CFAP299: variants seen among roughly 807,000 people sequenced by gnomAD.
The protein encoded by CFAP299 is cilia- and flagella-associated protein 299.
CFAP299 carries 21 observed loss-of-function variants against 27.0 expected under a neutral mutation model. The ratio of observed to expected loss-of-function variants is 0.78; its 90% confidence interval spans 0.55 to 1.12. The LOEUF (loss-of-function observed/expected upper bound fraction) is 1.12. Among genes scored for constraint, CFAP299 ranks in the 50% most tolerant of loss-of-function variants. The pLI, the probability that CFAP299 is intolerant of heterozygous loss-of-function variation, is 0.00. For missense variants in CFAP299, 310 were observed against 276.6 expected (o/e 1.12, Z -0.86); for synonymous variants, 104 against 98.1 (o/e 1.06, Z -0.36).
chr4:80,883,432 C>A (rs1733814758), intron 4 of CFAP299, among the ~76,000 whole-genome samples: 1 of 151,124 alleles, frequency 6.6e-6, no homozygotes, highest in Admixed American at 6.6e-5. Flanking sequence ...TAAAAGTCCT[C>A]CCTATCAATA....
chr4:80,730,897 C>A (rs552126991), intron 3 of CFAP299, among the ~76,000 whole-genome samples: 1 of 152,288 alleles, frequency 6.6e-6, no homozygotes, highest in Non-Finnish European at 1.5e-5. Context: ...ACCGTTATTT[C>A]ATTTTATCCT....
At chr4:80,883,035 T>C (rs1375027124) in intron 4 of CFAP299, among the ~76,000 whole-genome samples, 1 of 151,926 alleles carries the variant, frequency 6.6e-6, no homozygotes, top group Non-Finnish European at 1.5e-5. Context: ...GATGCATAAA[T>C]CATGTTCAAT....
chr4:80,646,202 A>G (rs766277054), intron 3 of CFAP299, among the ~76,000 whole-genome samples: 1 of 152,130 alleles, frequency 6.6e-6, no homozygotes, highest in Non-Finnish European at 1.5e-5. Flanking sequence ...TGTGTTCTAC[A>G]TCTGTATTAG....
intron 3 of CFAP299, among the ~76,000 whole-genome samples, chr4:80,695,051 T>A (rs542083849): frequency 3.6e-4 from 55 of 152,302 alleles, no homozygotes; most frequent in Non-Finnish European, 7.1e-4. Context: ...TGCCTCATAG[T>A]AGCATCATTT....
intron 2 of CFAP299, among the ~76,000 whole-genome samples, chr4:80,509,846 T>C (rs1732208757): frequency 6.6e-6 from 1 of 150,904 alleles, no homozygotes; most frequent in African/African-American, 2.4e-5. Flanking sequence ...GGCCATCTTC[T>C]GCACTGCTGC....
rs1371964208 is a variant in CFAP299, at chr4:80,870,036, T to C, written c.377T>C (p.Ile126Thr). Residue 126 changes from isoleucine (I) to threonine (T), a missense_variant, in exon 4 of 6, where the codon ATA becomes ACA. Physicochemically the swap from Ile to Thr is moderately conservative, Grantham distance 89 (BLOSUM62 -1). Transcript: ENST00000358105. ...GACAGAAATTCTCATGGGCAAGAGA[T>C]ATCAGGATACATCGACTATGCCCAC... ...IRDRNSHGQE[I>T]SGYIDYAHRL... 3 of 1,613,712 alleles carry C rather than the reference T, an allele frequency of 1.9e-6. No homozygotes were observed. The highest frequency in any genetic ancestry group is 1.1e-5 in the South Asian group (1 of 91,040).
intron 4 of CFAP299, among the ~76,000 whole-genome samples, chr4:80,894,205 G>T (rs1734495960): frequency 6.6e-6 from 1 of 151,618 alleles, no homozygotes; most frequent in South Asian, 2.1e-4. Flanking sequence ...TTATTAAAAA[G>T]ACAAAAGATT....
Position 80,549,623 on chromosome 4 carries a change from T to A in CFAP299, c.243-33470T>A, listed in dbSNP as rs185811500. ...TTGTGGATTTTCAACAGGGTAACTGTGGACACGTTTTTGATGAAGTTCTTG... is the reference window on the plus strand; with the variant it reads ...TTGTGGATTTTCAACAGGGTAACTGAGGACACGTTTTTGATGAAGTTCTTG... On this transcript the variant is annotated intron_variant, in intron 2 of 5. Coordinates refer to ENST00000358105, the MANE Select transcript of CFAP299 (RefSeq NM_152770.3). Among the ~76,000 whole-genome samples, 101 of 152,286 alleles carry A rather than the reference T, an allele frequency of 6.6e-4. 2 individuals are homozygous for A. The highest frequency in any genetic ancestry group is 6.8e-3 in the Middle Eastern group (2 of 294).
At chr4:80,403,952 T>C (rs945174374) in intron 2 of CFAP299, among the ~76,000 whole-genome samples, 8 of 152,180 alleles carry the variant, frequency 5.3e-5, no homozygotes, top group Non-Finnish European at 1.5e-5. Flanking sequence ...AGATTATTTG[T>C]CATTCATTTT....
At chr4:80,366,327 G>A (rs1025119665) in intron 2 of CFAP299, among the ~76,000 whole-genome samples, 4 of 152,152 alleles carry the variant, frequency 2.6e-5, no homozygotes, top group African/African-American at 7.2e-5. Flanking sequence ...CACCTATTTC[G>A]AGAAGTGCTG....
At chr4:80,590,836 G>C (rs1044582353) in intron 3 of CFAP299, among the ~76,000 whole-genome samples, 1 of 152,088 alleles carries the variant, frequency 6.6e-6, no homozygotes, top group Non-Finnish European at 1.5e-5. Flanking sequence ...TGCTAGGTAG[G>C]AGGAGGTTGG....
At chr4:80,485,799 C>T (rs950279248) in intron 2 of CFAP299, among the ~76,000 whole-genome samples, 7 of 152,104 alleles carry the variant, frequency 4.6e-5, no homozygotes, top group Admixed American at 2.6e-4. Context: ...TATGCATTTT[C>T]ACATACGTAG....
At chr4:80,342,106 G>T (rs915989763) in intron 1 of CFAP299, among the ~76,000 whole-genome samples, 3 of 152,232 alleles carry the variant, frequency 2.0e-5, no homozygotes, top group South Asian at 4.2e-4. Flanking sequence ...AGACAGGCAG[G>T]CAAGAACAGA....
chr4:80,853,329 C>A (rs1256702976), intron 3 of CFAP299, among the ~76,000 whole-genome samples: 1 of 152,180 alleles, frequency 6.6e-6, no homozygotes, highest in South Asian at 2.1e-4. Flanking sequence ...CCATGCCCAG[C>A]CAAAAGGCAA....
At chr4:80,361,885 TTC>T (rs1246358467) in intron 1 of CFAP299, among the ~76,000 whole-genome samples, 3 of 152,206 alleles carry the variant, frequency 2.0e-5, no homozygotes, top group South Asian at 2.1e-4. Flanking sequence ...ATAAAATAGA[TTC>T]TGTTTTCACT....
chr4:80,411,413 T>C (rs1258810129), intron 2 of CFAP299, among the ~76,000 whole-genome samples: 1 of 152,158 alleles, frequency 6.6e-6, no homozygotes, highest in African/African-American at 2.4e-5. Flanking sequence ...TGAGTCTTTG[T>C]ATTTCAAGTA....
intron 2 of CFAP299, among the ~76,000 whole-genome samples, chr4:80,461,557 C>T (rs531030906): frequency 3.3e-5 from 5 of 152,032 alleles, no homozygotes; most frequent in Non-Finnish European, 5.9e-5. Flanking sequence ...TGGTCATCTG[C>T]GCCTGAATTC....
At chr4:80,410,205 G>C (rs368970501) in intron 2 of CFAP299, among the ~76,000 whole-genome samples, 1 of 152,174 alleles carries the variant, frequency 6.6e-6, no homozygotes, top group African/African-American at 2.4e-5. Flanking sequence ...AAAAAGTTCA[G>C]TTGGTCATAA....
chr4:80,549,734 A>G (rs545171619), intron 2 of CFAP299, among the ~76,000 whole-genome samples: 56 of 152,260 alleles, frequency 3.7e-4, no homozygotes, highest in African/African-American at 1.3e-3. Flanking sequence ...TTAATTGTTC[A>G]TATTAAATAC....
Sources: allele counts gnomAD v4.1 joint callset (sites outside exome capture counted in the v4.1 genomes callset), GRCh38; gene constraint gnomAD v4.1.1; transcripts MANE v1.5; gene names NCBI Gene and HGNC (gene_info 2026-07-23, HGNC 2026-07-21).